The following SNRNP70 variants were observed in gnomAD, a reference collection of about 807,000 sequenced individuals.
SNRNP70 encodes the protein small nuclear ribonucleoprotein U1 subunit 70.
A neutral mutation model predicts 50.5 loss-of-function variants in SNRNP70; 8 were observed. The observed-to-expected ratio is 0.16, with a 90% CI of 0.09 to 0.29. SNRNP70 has a LOEUF of 0.29. Among genes scored for constraint, SNRNP70 ranks in the 10% least tolerant of loss-of-function variants. The pLI, the probability that SNRNP70 is intolerant of heterozygous loss-of-function variation, is 1.00. For synonymous variants in SNRNP70, 320 were observed against 252.9 expected (o/e 1.27, Z -2.52); for missense variants, 529 against 663.5 (o/e 0.80, Z 2.23).
Position 49,098,500 on chromosome 19 carries a change from C to G in SNRNP70, c.330+9C>G, listed in dbSNP as rs371736828. The G allele has an allele frequency of 1.7e-5, 28 of 1,612,986 alleles. No individual in the cohort carries two copies. In the African/African-American group the frequency reaches 3.6e-4, roughly 21 times the overall value. On this transcript the variant is annotated intron_variant, in intron 5 of 9. Transcript: ENST00000598441. ...TCTTCGTGGCGAGAGTGGTAAGTCC[C>G]CAGCTCCTAGCTCCTGGAACCCCAC...
At chr19:49,093,699 A>AAC (rs1568419024) in intron 4 of SNRNP70, among the ~76,000 whole-genome samples, 1 of 148,738 alleles carries the variant, frequency 6.7e-6, no homozygotes, top group Admixed American at 6.7e-5. Context: ...AAAACAAAAA[A>AAC]AAAAACAGTT....
chr19:49,099,239 G>T (rs536096251), intron 6 of SNRNP70, among the ~76,000 whole-genome samples: 98 of 152,284 alleles, frequency 6.4e-4, no homozygotes, highest in African/African-American at 1.9e-3. Flanking sequence ...ACAAACTGAT[G>T]TTAGCCATGT....
At chr19:49,086,929 T>C (rs2040388448) in intron 2 of SNRNP70, among the ~76,000 whole-genome samples, 2 of 151,912 alleles carry the variant, frequency 1.3e-5, no homozygotes, top group African/African-American at 4.8e-5. Context: ...CTCACGCCTG[T>C]AATCCCAGTA....
chr19:49,106,789 C>CATCT (rs1033697507), intron 8 of SNRNP70, among the ~76,000 whole-genome samples: 2 of 152,134 alleles, frequency 1.3e-5, no homozygotes, highest in African/African-American at 4.8e-5. Context: ...TGGGGCTGTT[C>CATCT]ATCTATCTAT....
At chr19:49,102,169 G>A in intron 7 of SNRNP70, 1 of 1,289,614 alleles carries the variant, frequency 7.8e-7, no homozygotes, top group South Asian at 1.2e-5. Context: ...ACACCTCAGT[G>A]TATGGTTGGT....
chr19:49,107,436 GTTAA>G lies in SNRNP70; in HGVS notation c.578-185_578-182del, dbSNP rs912279194. ...GTTGCCTAGCGAACGCTTTGTGTGA[GTTAA>G]TTAGAGAAGACGTGGCTGTCTTGTG... On this transcript the variant is annotated intron_variant, in intron 8 of 9. Transcript: ENST00000598441. The surrounding 1 kb of genome is among the most constrained non-coding windows in gnomAD (Gnocchi z 6.0). Among the ~76,000 whole-genome samples the G allele has an allele frequency of 7.9e-5, 12 of 152,338 alleles. No individual in the cohort carries two copies. The highest frequency in any genetic ancestry group is 2.4e-4 in the African/African-American group (10 of 41,590).
chr19:49,104,411 G>C lies in SNRNP70; in HGVS notation c.476-223G>C. 3.8e-6 allele frequency: 2 copies of C among 532,118 alleles called. No individual in the cohort carries two copies. Among genetic ancestry groups the C allele is most frequent in the Non-Finnish European group, 3.4e-6 (1 of 296,370 alleles). 33.0% of individuals were successfully genotyped at this position (532,118 alleles called of 1,614,324 possible). On this transcript the variant is annotated intron_variant, in intron 7 of 9. Coordinates refer to ENST00000598441, the MANE Select transcript of SNRNP70 (RefSeq NM_003089.6). This position sits in a 1 kb window ranked among gnomAD's most constrained non-coding sequence, Gnocchi z 5.4. The stretch of plus-strand genomic sequence containing the variant: ...GAGGGTGGACGTCTCCCCCGACCAG[G>C]AGTGGTTGGGGCGCTGAGAGGAAGC...
chr19:49,093,915 C>T (rs1005422821), intron 4 of SNRNP70, among the ~76,000 whole-genome samples: 2 of 151,680 alleles, frequency 1.3e-5, no homozygotes, highest in Non-Finnish European at 2.9e-5. Context: ...CCCAGCTACT[C>T]GGGAGGCTGA....
At position 49,086,397 on chromosome 19, in the gene SNRNP70, G is replaced by T. The variant is rs1451066825; in HGVS notation, c.-10-8G>T. ...TCTAACCTAAGGCTGTCCTGCTTCT[G>T]CTCTCAGACTTGGCAAGATGACCCA... On this transcript the variant is annotated splice_polypyrimidine_tract_variant and splice_region_variant and intron_variant, in intron 1 of 9. Coordinates refer to ENST00000598441, the MANE Select transcript of SNRNP70 (RefSeq NM_003089.6). The T allele has an allele frequency of 3.7e-6, 6 of 1,610,638 alleles. No homozygotes were observed. The African/African-American group carries it at 8.0e-5, about 22-fold the overall frequency.
At chr19:49,088,312 C>T (rs1485437503) in intron 2 of SNRNP70, among the ~76,000 whole-genome samples, 2 of 147,680 alleles carry the variant, frequency 1.4e-5, no homozygotes, top group Non-Finnish European at 3.0e-5. Context: ...ATGCCATTCT[C>T]CTGCCTCAGC....
At chr19:49,102,939 C>T (rs2040609063) in intron 7 of SNRNP70, 1 of 152,616 alleles carries the variant, frequency 6.6e-6, no homozygotes, top group South Asian at 2.1e-4. Context: ...GAGCGGGGTT[C>T]CTTCGCTTGA....
intron 4 of SNRNP70, among the ~76,000 whole-genome samples, chr19:49,097,971 T>G (rs1021192155): frequency 2.6e-5 from 4 of 152,228 alleles, no homozygotes; most frequent in African/African-American, 9.6e-5. Context: ...TCCTGTGGGC[T>G]GTAGTTGCAG....
At chr19:49,098,784 C>T (rs2040544792) in intron 6 of SNRNP70, 80 bp downstream of exon 6, 2 of 1,151,542 alleles carry the variant, frequency 1.7e-6, no homozygotes, top group South Asian at 2.5e-5. Context: ...GAGAGAGGTC[C>T]CAGCCCTGAG....
intron 1 of SNRNP70, 115 bp downstream of exon 1, chr19:49,085,751 A>G (rs928174595): frequency 2.3e-6 from 1 of 429,196 alleles, no homozygotes; most frequent in Non-Finnish European, 4.7e-6. Context: ...TCCCCGCCAC[A>G]GGTCCCTTCT....
intron 6 of SNRNP70, among the ~76,000 whole-genome samples, chr19:49,100,121 A>G (rs114093846): frequency 6.6e-6 from 1 of 152,288 alleles, no homozygotes; most frequent in African/African-American, 2.4e-5. Flanking sequence ...AGTGATGTGA[A>G]TGGCGAACTA....
intron 4 of SNRNP70, among the ~76,000 whole-genome samples, chr19:49,095,463 G>A (rs1024668389): frequency 2.0e-4 from 31 of 151,632 alleles, no homozygotes; most frequent in Middle Eastern, 3.4e-3. Flanking sequence ...ATTCTCTGTC[G>A]TCATCTGATG....
At chr19:49,096,927 C>T (rs142870735) in intron 4 of SNRNP70, among the ~76,000 whole-genome samples, 4,592 of 151,994 alleles carry the variant, frequency 0.03, 88 homozygotes, top group Middle Eastern at 0.051. Flanking sequence ...GTCAGGAGTT[C>T]GAGACCAGCC....
chr19:49,092,667 C>G (rs530215855), intron 4 of SNRNP70, among the ~76,000 whole-genome samples: 1 of 152,260 alleles, frequency 6.6e-6, no homozygotes, highest in South Asian at 2.1e-4. Context: ...CTTCAGCCTC[C>G]CAAAGTGCTG....
chr19:49,098,509 A>T lies in SNRNP70; in HGVS notation c.330+18A>T. 2 of 1,611,980 alleles carry T rather than the reference A, an allele frequency of 1.2e-6. No individual in the cohort carries two copies. The highest frequency in any genetic ancestry group is 1.7e-6 in the Non-Finnish European group (2 of 1,178,262). ...CGAGAGTGGTAAGTCCCCAGCTCCT[A>T]GCTCCTGGAACCCCACGCTGCTGAG... On this transcript the variant is annotated intron_variant, in intron 5 of 9. Coordinates refer to ENST00000598441, the MANE Select transcript of SNRNP70 (RefSeq NM_003089.6).
Sources: gnomAD v4.1 joint callset for allele counts (sites outside exome capture counted in the v4.1 genomes callset) on GRCh38, gnomAD v4.1.1 for gene constraint, Gnocchi (gnomAD v3.1) non-coding constraint, MANE v1.5 for transcripts, NCBI Gene and HGNC (gene_info 2026-07-23, HGNC 2026-07-21) for gene names.